CCSER1: variants seen among roughly 807,000 people sequenced by gnomAD.
CCSER1 encodes the protein serine-rich coiled-coil domain-containing protein 1.
In CCSER1, 41 loss-of-function variants were observed where a neutral mutation model predicts 82.0. The observed-to-expected ratio is 0.50, with a 90% confidence interval of 0.39 to 0.65. The LOEUF (loss-of-function observed/expected upper bound fraction) is 0.65, where lower values mean the gene tolerates loss of function less well. Ranked by LOEUF, CCSER1 falls within the 30% of genes least tolerant of loss-of-function variation. The probability of loss-of-function intolerance (pLI) is 0.00; values close to 1 mark genes in which losing one functional copy is unlikely to be tolerated. For missense variants in CCSER1, 1,119 were observed against 1,064.2 expected (o/e 1.05, Z -0.72); for synonymous variants, 414 against 383.9 (o/e 1.08, Z -0.92).
chr4:91,276,794 T>TG (rs1287739185), intron 10 of CCSER1, among the ~76,000 whole-genome samples: 1 of 152,186 alleles, frequency 6.6e-6, no homozygotes, highest in Non-Finnish European at 1.5e-5. Context: ...TTATCATATA[T>TG]GGCATTTGTT....
intron 8 of CCSER1, among the ~76,000 whole-genome samples, chr4:90,899,932 G>C (rs1431531941): frequency 6.6e-6 from 1 of 151,792 alleles, no homozygotes; most frequent in East Asian, 1.9e-4. Flanking sequence ...TCCTTGCCAG[G>C]TTTTCGTATC....
In CCSER1 at chr4:91,445,906, C is replaced by T. The variant is rs1755525577; in HGVS notation, c.2218-152666C>T. On this transcript the variant is annotated intron_variant, in intron 10 of 10. Coordinates refer to ENST00000509176, the MANE Select transcript of CCSER1 (RefSeq NM_001145065.2). ...CTGGTCTGTGTAAATTCTGCATCTG[C>T]CACCCTGCATTTCCATAAAAGATTT... 2.6e-5 allele frequency among the ~76,000 whole-genome samples: 4 copies of T among 151,942 alleles called. 1 individual carries two copies. The South Asian group carries it at 8.3e-4, about 32-fold the overall frequency.
At chr4:90,548,749 T>TATATACAC (rs950440676) in intron 5 of CCSER1, among the ~76,000 whole-genome samples, 3 of 147,762 alleles carry the variant, frequency 2.0e-5, no homozygotes, top group African/African-American at 7.5e-5. Flanking sequence ...TATATATATA[T>TATATACAC]ACACACACAC....
At chr4:90,481,669 C>T (rs539415251) in intron 5 of CCSER1, among the ~76,000 whole-genome samples, 41 of 152,180 alleles carry the variant, frequency 2.7e-4, no homozygotes, top group East Asian at 1.5e-3. Context: ...TGCTGGATTA[C>T]GTTTATTGAT....
chr4:91,388,645 T>C (rs921587167), intron 10 of CCSER1, among the ~76,000 whole-genome samples: 4 of 152,118 alleles, frequency 2.6e-5, no homozygotes, highest in African/African-American at 9.6e-5. Context: ...CATTTCCTGA[T>C]GACACATGAT....
At chr4:90,343,890 A>C (rs1318505409) in intron 3 of CCSER1, among the ~76,000 whole-genome samples, 1 of 152,186 alleles carries the variant, frequency 6.6e-6, no homozygotes, top group Non-Finnish European at 1.5e-5. Context: ...GTTACAAACC[A>C]TCCAATTATA....
intron 9 of CCSER1, among the ~76,000 whole-genome samples, chr4:91,082,730 C>T (rs930886006): frequency 6.6e-6 from 1 of 151,860 alleles, no homozygotes; most frequent in Non-Finnish European, 1.5e-5. Flanking sequence ...ATCAAACAAC[C>T]CCATCAAAAA....
chr4:90,897,682 G>A (rs1723923994), intron 8 of CCSER1, among the ~76,000 whole-genome samples: 1 of 151,986 alleles, frequency 6.6e-6, no homozygotes, highest in Non-Finnish European at 1.5e-5. Context: ...TCTATTTTTA[G>A]TTCTTTGAGA....
At chr4:91,369,066 C>A (rs1252814891) in intron 10 of CCSER1, among the ~76,000 whole-genome samples, 1 of 152,166 alleles carries the variant, frequency 6.6e-6, no homozygotes, top group African/African-American at 2.4e-5. Flanking sequence ...TCCATGTGTT[C>A]TGTAGGCAGA....
At chr4:90,231,292 C>T (rs1237068948) in intron 1 of CCSER1, among the ~76,000 whole-genome samples, 1 of 152,064 alleles carries the variant, frequency 6.6e-6, no homozygotes, top group African/African-American at 2.4e-5. Context: ...GTGGGTTCAT[C>T]CCTGGGATGC....
At chr4:90,467,382 T>TA (rs1763779015) in intron 4 of CCSER1, among the ~76,000 whole-genome samples, 2 of 149,822 alleles carry the variant, frequency 1.3e-5, no homozygotes, top group African/African-American at 4.9e-5. Flanking sequence ...AGACTCCTTC[T>TA]AAAAAAATAA....
At chr4:90,383,296 A>G (rs1749502580) in intron 3 of CCSER1, among the ~76,000 whole-genome samples, 2 of 152,196 alleles carry the variant, frequency 1.3e-5, no homozygotes, top group Non-Finnish European at 2.9e-5. Flanking sequence ...ATTTGAATAC[A>G]AAAGGAATTA....
intron 6 of CCSER1, among the ~76,000 whole-genome samples, chr4:90,659,312 C>A (rs1730319984): frequency 6.6e-6 from 1 of 152,116 alleles, no homozygotes; most frequent in African/African-American, 2.4e-5. Flanking sequence ...AGCTCCAGTT[C>A]TGGATAGGCT....
chr4:90,833,034 G>A (rs571694704), intron 8 of CCSER1, among the ~76,000 whole-genome samples: 3 of 152,204 alleles, frequency 2.0e-5, no homozygotes, highest in Admixed American at 1.3e-4. Context: ...AACCTAATGG[G>A]CTTATCCTAA....
intron 9 of CCSER1, among the ~76,000 whole-genome samples, chr4:90,947,439 A>G (rs1732389945): frequency 6.6e-6 from 1 of 152,206 alleles, no homozygotes; most frequent in Non-Finnish European, 1.5e-5. Flanking sequence ...TTAACATATG[A>G]CATAAACATT....
At chr4:91,464,059 T>C (rs1327224721) in intron 10 of CCSER1, among the ~76,000 whole-genome samples, 1 of 152,078 alleles carries the variant, frequency 6.6e-6, no homozygotes, top group Admixed American at 6.6e-5. Flanking sequence ...TTGTCAGATT[T>C]ACTGAAGTTG....
At chr4:90,617,840 T>A (rs187206924) in intron 5 of CCSER1, among the ~76,000 whole-genome samples, 120 of 149,060 alleles carry the variant, frequency 8.1e-4, no homozygotes, top group Non-Finnish European at 1.5e-3. Flanking sequence ...TCTCAAGGAT[T>A]TTTTTGTTTG....
intron 10 of CCSER1, among the ~76,000 whole-genome samples, chr4:91,377,818 C>A (rs542597830): frequency 6.6e-6 from 1 of 152,208 alleles, no homozygotes; most frequent in East Asian, 1.9e-4. Context: ...ACATGAAGTC[C>A]TTGCCCATGC....
At position 91,120,051 on chromosome 4, in the gene CCSER1, T is replaced by C. The variant is rs150453743; in HGVS notation, c.2217+34057T>C. On this transcript the variant is annotated intron_variant, in intron 10 of 10. Coordinates refer to ENST00000509176, the MANE Select transcript of CCSER1 (RefSeq NM_001145065.2). The stretch of plus-strand genomic sequence containing the variant: ...ATGTGATGACTAAAATAGTTTGATT[T>C]TAATATAGAGCTATTAAGCCATAGA... Among the ~76,000 whole-genome samples the C allele has an allele frequency of 3.6e-3, 549 of 152,132 alleles. 2 individuals carry two copies. Among genetic ancestry groups the C allele is most frequent in the Non-Finnish European group, 4.0e-3 (273 of 67,904 alleles).
Sources: allele counts gnomAD v4.1 joint callset (sites outside exome capture counted in the v4.1 genomes callset), GRCh38; gene constraint gnomAD v4.1.1; transcripts MANE v1.5; gene names NCBI Gene and HGNC (gene_info 2026-07-23, HGNC 2026-07-21).